ACTN1: variants seen among roughly 807,000 people sequenced by gnomAD.
The protein encoded by ACTN1 is actinin alpha 1.
Under a neutral mutation model 119.6 loss-of-function variants are expected in ACTN1, and 30 were observed. That is an observed-to-expected ratio of 0.25 (90% confidence interval 0.19 to 0.34). The LOEUF is 0.34. Ranked by LOEUF, ACTN1 falls within the 10% of genes least tolerant of loss-of-function variation. The pLI, the probability that ACTN1 is intolerant of heterozygous loss-of-function variation, is 1.00. For synonymous variants in ACTN1, 429 were observed against 472.6 expected, an observed-to-expected ratio of 0.91 and a Z score of 1.20; for missense variants, 764 against 1,223.4, an observed-to-expected ratio of 0.62 and a Z score of 5.60.
At chr14:68,966,512 C>A (rs1262605541) in intron 1 of ACTN1, among the ~76,000 whole-genome samples, 3 of 152,236 alleles carry the variant, frequency 2.0e-5, no homozygotes, top group Admixed American at 1.3e-4. Context: ...CACAACCATT[C>A]TTCCTGTTCC....
chr14:68,880,744 C>T lies in ACTN1; in HGVS notation c.2133+66G>A. 1 of 1,545,308 alleles carries T rather than the reference C, an allele frequency of 6.5e-7. No homozygotes were observed. On this transcript the variant is annotated intron_variant, in intron 17 of 21. Transcript: ENST00000394419. The surrounding 1 kb of genome is among the most constrained non-coding windows in gnomAD (Gnocchi z 4.6). ...ATGACCTGTTCCCTTGGAGACTTCCCCACCCAGGAGAAAGAGCAGAAGGGG... is the reference window on the plus strand; with the variant it reads ...ATGACCTGTTCCCTTGGAGACTTCCTCACCCAGGAGAAAGAGCAGAAGGGG...
chr14:68,978,928 C>T (rs768090353), intron 1 of ACTN1, 24 bp downstream of exon 1: 7 of 1,430,218 alleles, frequency 4.9e-6, no homozygotes, highest in Non-Finnish European at 6.6e-6. Flanking sequence ...CTGGGGGCTG[C>T]AGCGGGCGGG....
At chr14:68,970,137 G>T (rs191485043) in intron 1 of ACTN1, among the ~76,000 whole-genome samples, 1 of 151,956 alleles carries the variant, frequency 6.6e-6, no homozygotes, top group Non-Finnish European at 1.5e-5. Flanking sequence ...ACAGCCCCAC[G>T]ATCACCCACC....
Position 68,880,686 on chromosome 14 carries a change from G to C in ACTN1, c.2133+124C>G, listed in dbSNP as rs2031422633. The C allele has an allele frequency of 1.0e-6, 1 of 978,682 alleles. No homozygotes were observed. The highest frequency in any genetic ancestry group is 1.6e-5 in the South Asian group (1 of 61,610). 60.6% of individuals were successfully genotyped at this position (978,682 alleles called of 1,614,324 possible). A position where few individuals can be genotyped will look rare whatever the true frequency, so the allele number is the denominator to read the frequency against. On this transcript the variant is annotated intron_variant, in intron 17 of 21. Transcript: ENST00000394419. This position sits in a 1 kb window ranked among gnomAD's most constrained non-coding sequence, Gnocchi z 4.6. ...AGGTACTAAAAATTGAAGATGTGAGGCTTCAGGGGTGAAGTTAATTTATCC... is the reference window on the plus strand; with the variant it reads ...AGGTACTAAAAATTGAAGATGTGAGCCTTCAGGGGTGAAGTTAATTTATCC...
intron 1 of ACTN1, chr14:68,978,505 C>G (rs2037149219): frequency 3.2e-6 from 1 of 309,386 alleles, no homozygotes; most frequent in Admixed American, 4.8e-5. Flanking sequence ...CCCAGGGCGG[C>G]CCAGGAAGCG....
chr14:68,956,478 G>A (rs2036355492), intron 1 of ACTN1, among the ~76,000 whole-genome samples: 1 of 152,058 alleles, frequency 6.6e-6, no homozygotes, highest in South Asian at 2.1e-4. Context: ...GCAGATTTCT[G>A]GGCTCTAACA....
intron 1 of ACTN1, among the ~76,000 whole-genome samples, chr14:68,964,605 C>A (rs2036643081): frequency 6.6e-6 from 1 of 152,174 alleles, no homozygotes; most frequent in Admixed American, 6.5e-5. Flanking sequence ...AAATCAAAGC[C>A]CAACTGCCCC....
chr14:68,965,235 G>C (rs2036668166), intron 1 of ACTN1, among the ~76,000 whole-genome samples: 1 of 152,206 alleles, frequency 6.6e-6, no homozygotes, highest in African/African-American at 2.4e-5. Flanking sequence ...GGAGAAGAGG[G>C]GTAGGTGACA....
chr14:68,971,332 G>C (rs2036877866), intron 1 of ACTN1, among the ~76,000 whole-genome samples: 1 of 152,160 alleles, frequency 6.6e-6, no homozygotes, highest in Non-Finnish European at 1.5e-5. Context: ...TAGTTAATAA[G>C]TACTGGTTGG....
chr14:68,938,209 A>T (rs1464288233), intron 1 of ACTN1, among the ~76,000 whole-genome samples: 4 of 152,168 alleles, frequency 2.6e-5, no homozygotes, highest in Non-Finnish European at 5.9e-5. Flanking sequence ...CTCCACCCAG[A>T]TCTGCCCACT....
intron 6 of ACTN1, among the ~76,000 whole-genome samples, chr14:68,907,508 G>C (rs900844700): frequency 6.6e-6 from 1 of 152,178 alleles, no homozygotes; most frequent in Non-Finnish European, 1.5e-5. Flanking sequence ...AGGTTGCAGT[G>C]AGTGGAGATC....
At chr14:68,884,646 G>A in intron 13 of ACTN1, 129 bp downstream of exon 13, 1 of 807,078 alleles carries the variant, frequency 1.2e-6, no homozygotes, top group Non-Finnish European at 2.0e-6. Context: ...TCCACATTTA[G>A]GCCAGGGTTG....
At chr14:68,890,020 A>C in intron 11 of ACTN1, 119 bp downstream of exon 11, 1 of 1,445,176 alleles carries the variant, frequency 6.9e-7, no homozygotes. Flanking sequence ...AAGCCATGGA[A>C]CTAGTAAGAG....
chr14:68,968,059 G>A (rs2036761684), intron 1 of ACTN1, among the ~76,000 whole-genome samples: 1 of 152,202 alleles, frequency 6.6e-6, no homozygotes, highest in South Asian at 2.1e-4. Flanking sequence ...ACGTGGCATA[G>A]GTCCCTAGGA....
Position 68,879,911 on chromosome 14 carries a change from T to C in ACTN1, c.2280+51A>G. On this transcript the variant is annotated intron_variant, in intron 18 of 21. Coordinates refer to ENST00000394419, the MANE Select transcript of ACTN1 (RefSeq NM_001130004.2). This position sits in a 1 kb window ranked among gnomAD's most constrained non-coding sequence, Gnocchi z 4.9. Reference sequence around the variant, plus strand: ...CCCGGGGAAGTGCCCTCCAGGGCCCTGGGGCAGGGGTTGGGGGCTGCACTA... The same window carrying C: ...CCCGGGGAAGTGCCCTCCAGGGCCCCGGGGCAGGGGTTGGGGGCTGCACTA... 1 of 1,597,960 alleles carries C rather than the reference T, an allele frequency of 6.3e-7. No individual in the cohort carries two copies. The highest frequency in any genetic ancestry group is 8.6e-7 in the Non-Finnish European group (1 of 1,168,796).
rs548689244 is a variant in ACTN1, at chr14:68,930,489, GC to G, written c.106-4818del. Among the ~76,000 whole-genome samples, 190 of 152,294 alleles carry G rather than the reference GC, an allele frequency of 1.2e-3. 1 individual carries two copies. Among genetic ancestry groups the G allele is most frequent in the South Asian group, 1.9e-3 (9 of 4,830 alleles). On this transcript the variant is annotated intron_variant, in intron 1 of 21. Coordinates refer to ENST00000394419, the MANE Select transcript of ACTN1 (RefSeq NM_001130004.2). ...CCCAGAAGCATGAGTTAGGGGATGA[GC>G]TTTTACAATCAAGCATCCTTCATAC...
intron 6 of ACTN1, among the ~76,000 whole-genome samples, chr14:68,908,073 G>A (rs1284875224): frequency 6.6e-6 from 1 of 151,670 alleles, no homozygotes; most frequent in Non-Finnish European, 1.5e-5. Context: ...TCCCCCAGGA[G>A]GTTAGCTGGC....
At position 68,892,189 on chromosome 14, in the gene ACTN1, C is replaced by T. The variant is rs760908092; in HGVS notation, c.950G>A (p.Arg317Gln). 1.2e-6 allele frequency: 2 copies of T among 1,614,170 alleles called. No homozygotes were observed. Among genetic ancestry groups the T allele is most frequent in the Non-Finnish European group, 1.7e-6 (2 of 1,180,026 alleles). ...CGGCTTGTGCAGGCGCCGGTAGTCC[C>T]GGAAGTCCTCCAGCTTCTGTTGCAT... ...HAMQQKLEDF[R>Q]DYRRLHKPPK... is the part of the protein sequence containing the mutation. The change falls in exon 10 of 22, where the codon CGG (arginine) becomes CAG (glutamine). Residue 317 changes from arginine (R) to glutamine (Q), a missense_variant. Arg to Gln is a conservative substitution (Grantham distance 43). Around this residue, in one of 4 missense-constraint regions of ACTN1, gnomAD observed 544 missense variants for 912.0 expected, o/e 0.60. Coordinates refer to ENST00000394419, the MANE Select transcript of ACTN1 (RefSeq NM_001130004.2).
chr14:68,885,757 G>T lies in ACTN1; in HGVS notation c.1235-182C>A. 3.0e-6 allele frequency: 2 copies of T among 671,940 alleles called. No homozygotes were observed. Among genetic ancestry groups the T allele is most frequent in the South Asian group, 3.9e-5 (2 of 51,636 alleles). The allele number at this position is 671,940 out of a possible 1,614,324, so 41.6% of individuals were successfully genotyped here. A position where few individuals can be genotyped will look rare whatever the true frequency, so the allele number is the denominator to read the frequency against. On this transcript the variant is annotated intron_variant, in intron 11 of 21. Coordinates refer to ENST00000394419, the MANE Select transcript of ACTN1 (RefSeq NM_001130004.2). The surrounding 1 kb of genome is among the most constrained non-coding windows in gnomAD (Gnocchi z 5.6). Reference sequence around the variant, plus strand: ...GCAACTAGAACATCCACCAACCGGCGCAACGGGGAAAAGCACTCTCCTCAG... The same window carrying T: ...GCAACTAGAACATCCACCAACCGGCTCAACGGGGAAAAGCACTCTCCTCAG...
Sources: gnomAD v4.1 joint callset for allele counts (sites outside exome capture counted in the v4.1 genomes callset) on GRCh38, gnomAD v4.1.1 for gene constraint, gnomAD v4.1.1 regional missense constraint, Gnocchi (gnomAD v3.1) non-coding constraint, MANE v1.5 for transcripts, NCBI Gene and HGNC (gene_info 2026-07-23, HGNC 2026-07-21) for gene names.